NLRP4: variants seen among roughly 807,000 people sequenced by gnomAD.
NLRP4 encodes NACHT, LRR and PYD domains-containing protein 4.
A neutral mutation model predicts 84.7 loss-of-function variants in NLRP4; 44 were observed. The ratio of observed to expected loss-of-function variants is 0.52; its 90% CI spans 0.41 to 0.67. The LOEUF (loss-of-function observed/expected upper bound fraction) is 0.67. Among genes scored for constraint, NLRP4 ranks in the 30% least tolerant of loss-of-function variants. The pLI is 0.00. For synonymous variants in NLRP4, 544 were observed against 476.4 expected (o/e 1.14, Z -1.85); for missense variants, 1,260 against 1,219.4 (o/e 1.03, Z -0.50).
At chr19:55,870,183 A>G (rs1233765722) in intron 6 of NLRP4, among the ~76,000 whole-genome samples, 1 of 152,208 alleles carries the variant, frequency 6.6e-6, no homozygotes, top group Non-Finnish European at 1.5e-5. Flanking sequence ...GAGGTAATCA[A>G]TACACTTTAC....
At chr19:55,841,808 T>G (rs1193132048) in intron 1 of NLRP4, among the ~76,000 whole-genome samples, 1 of 146,172 alleles carries the variant, frequency 6.8e-6, no homozygotes, top group African/African-American at 2.8e-5. Context: ...GAGGTTGCAG[T>G]GAGCCGAGAT....
rs35115500 is a variant in NLRP4 at position 55,857,325 on chromosome 19, A to ATGTGTGTGTGTGTGTGTGTGTG, written c.281-337_281-316dup. On this transcript the variant is annotated intron_variant, in intron 2 of 9. Transcript: ENST00000301295. ...GTCAAACTTTACGTAGTAGCAATGA[A>ATGTGTGTGTGTGTGTGTGTGTG]TGTGTGTGTGTGTGTGTGTGTGTGT... is the stretch of plus-strand genomic sequence containing the variant. 6.2e-5 allele frequency: 17 copies of ATGTGTGTGTGTGTGTGTGTGTG among 272,746 alleles called. No homozygotes were observed. In the East Asian group the frequency reaches 7.0e-4, roughly 11 times the overall value. The allele number at this position is 272,746 out of a possible 1,614,324, so 16.9% of individuals were successfully genotyped here. A position where few individuals can be genotyped will look rare whatever the true frequency, so the allele number is the denominator to read the frequency against.
At chr19:55,854,827 G>A (rs1029783859) in intron 2 of NLRP4, among the ~76,000 whole-genome samples, 1 of 151,990 alleles carries the variant, frequency 6.6e-6, no homozygotes, top group Non-Finnish European at 1.5e-5. Flanking sequence ...GGTTCATGCG[G>A]TTCTCCTGCC....
At chr19:55,842,801 C>A (rs922721986) in intron 1 of NLRP4, among the ~76,000 whole-genome samples, 1 of 151,646 alleles carries the variant, frequency 6.6e-6, no homozygotes, top group Non-Finnish European at 1.5e-5. Context: ...GCTCTGTCAC[C>A]CAGGCTGGAG....
chr19:55,849,996 TGCGGTGTGATTTCCGAGAC>T (rs1983987632), intron 1 of NLRP4, among the ~76,000 whole-genome samples: 1 of 29,962 alleles, frequency 3.3e-5, no homozygotes, highest in African/African-American at 5.6e-5. Flanking sequence ...TTTCCGAGAC[TGCGGTGTGATTTCCGAGAC>T]TGCGGTGTGA....
At chr19:55,860,294 A>G in intron 3 of NLRP4, among the ~76,000 whole-genome samples, 1 of 152,182 alleles carries the variant, frequency 6.6e-6, no homozygotes, top group East Asian at 1.9e-4. Context: ...CAAATCATAT[A>G]CATTTTAACT....
intron 1 of NLRP4, among the ~76,000 whole-genome samples, chr19:55,851,136 T>C (rs558109287): frequency 1.6e-3 from 133 of 84,962 alleles, no homozygotes; most frequent in Non-Finnish European, 1.8e-3. Context: ...TGTCCGAGGC[T>C]GCGGTGTAAT....
intron 2 of NLRP4, among the ~76,000 whole-genome samples, chr19:55,852,985 C>T (rs148721267): frequency 2.3e-4 from 35 of 152,174 alleles, no homozygotes; most frequent in Non-Finnish European, 4.4e-4. Flanking sequence ...GACTTATTTG[C>T]AAGAGCAATT....
rs1404681291 is a variant in NLRP4, at chr19:55,881,830, A to C, written c.*243A>C. The C allele has an allele frequency of 3.2e-6, 1 of 309,938 alleles. No individual in the cohort carries two copies. The highest frequency in any genetic ancestry group is 5.9e-6 in the Non-Finnish European group (1 of 170,870). 19.2% of individuals were successfully genotyped at this position (309,938 alleles called of 1,614,324 possible). ...CAAGGACCTCTTAACCCCTCAATAA[A>C]GTGTTACATTTCTAAACATTGGAAA... On this transcript the variant is annotated 3_prime_UTR_variant, in exon 10 of 10. Coordinates refer to ENST00000301295, the MANE Select transcript of NLRP4 (RefSeq NM_134444.5).
intron 5 of NLRP4, among the ~76,000 whole-genome samples, chr19:55,864,851 T>C (rs1984893717): frequency 6.6e-6 from 1 of 152,224 alleles, no homozygotes; most frequent in Non-Finnish European, 1.5e-5. Flanking sequence ...TGAGCATCTT[T>C]TCCTGTGCTT....
intron 1 of NLRP4, among the ~76,000 whole-genome samples, chr19:55,845,276 GT>G (rs1314447092): frequency 6.8e-6 from 1 of 148,086 alleles, no homozygotes; most frequent in Admixed American, 6.9e-5. Flanking sequence ...AACATGCAGT[GT>G]TTGGTTTTTT....
intron 1 of NLRP4, among the ~76,000 whole-genome samples, chr19:55,847,919 C>T (rs544659686): frequency 6.6e-6 from 1 of 151,934 alleles, no homozygotes; most frequent in Admixed American, 6.6e-5. Context: ...GTTTCACCAT[C>T]TTGGTCAGGC....
In NLRP4 at chr19:55,850,851, GAGGCTGCGGTGTAATT is replaced by G. The variant is rs1392774020; in HGVS notation, c.-65-1164_-65-1149del. On this transcript the variant is annotated intron_variant, in intron 1 of 9. Coordinates refer to ENST00000301295, the MANE Select transcript of NLRP4 (RefSeq NM_134444.5). ...TGTCCGAGGCTGCGGTGTAATTTAC[GAGGCTGCGGTGTAATT>G]TACGAGGCTGCGGTGTAATGTCCGT... Among the ~76,000 whole-genome samples the G allele has an allele frequency of 3.6e-5, 3 of 84,156 alleles. 1 individual carries two copies. In the African/African-American group the frequency reaches 4.2e-4, roughly 12 times the overall value. The allele number at this position is 84,156 out of a possible 152,430, so 55.2% of individuals were successfully genotyped here.
intron 9 of NLRP4, 140 bp from the exon 10 acceptor site, chr19:55,881,330 T>A: frequency 3.6e-6 from 2 of 556,714 alleles, no homozygotes; most frequent in Non-Finnish European, 6.4e-6. Context: ...CCGCTGCATT[T>A]GATGTGTATG....
At chr19:55,847,429 T>G (rs1015461210) in intron 1 of NLRP4, among the ~76,000 whole-genome samples, 14 of 152,336 alleles carry the variant, frequency 9.2e-5, no homozygotes, top group African/African-American at 2.9e-4. Flanking sequence ...GAATGTTCTC[T>G]TGTGTGTAGG....
intron 2 of NLRP4, among the ~76,000 whole-genome samples, chr19:55,853,889 T>TTCTCTCTCTCTC (rs145906779): frequency 7.6e-6 from 1 of 132,184 alleles, no homozygotes. Flanking sequence ...TGCTATCTCT[T>TTCTCTCTCTCTC]TCTCTCTCTC....
chr19:55,863,902 T>C (rs902433383), intron 5 of NLRP4, among the ~76,000 whole-genome samples: 8 of 152,170 alleles, frequency 5.3e-5, no homozygotes, highest in South Asian at 2.1e-4. Flanking sequence ...CTTACCTTCA[T>C]TGGTACCCAC....
In NLRP4 at chr19:55,881,738, C is replaced by T. The variant is rs531736859; in HGVS notation, c.*151C>T. The T allele has an allele frequency of 7.5e-5, 38 of 508,144 alleles. No homozygotes were observed. In the Admixed American group the frequency reaches 1.1e-3, roughly 14 times the overall value. 31.5% of individuals were successfully genotyped at this position (508,144 alleles called of 1,614,324 possible). A position where few individuals can be genotyped will look rare whatever the true frequency, so the allele number is the denominator to read the frequency against. On this transcript the variant is annotated 3_prime_UTR_variant, in exon 10 of 10. Coordinates refer to ENST00000301295, the MANE Select transcript of NLRP4 (RefSeq NM_134444.5). ...CCATTCATAGATTTGATATGATACA[C>T]GTGGTTTTTATGTGCTCTGTGGCCT...
rs773983066 is a variant in NLRP4, at chr19:55,881,577, T to TCCCA, written c.2975_2976insCCCA (p.Glu993ProfsTer27). The TCCCA allele has an allele frequency of 1.1e-5, 17 of 1,547,710 alleles. No individual in the cohort carries two copies. Among genetic ancestry groups the TCCCA allele is most frequent in the Non-Finnish European group, 1.5e-5 (17 of 1,122,090 alleles). On this transcript the variant is annotated frameshift_variant, in exon 10 of 10. Coordinates refer to ENST00000301295, the MANE Select transcript of NLRP4 (RefSeq NM_134444.5). LOFTEE classifies it high-confidence loss of function. ...GACGACTGTGACACAATCACAAGGG[T>TCCCA]AGAGATCTGATTGCGAGGAACCTGG...
Sources: allele counts gnomAD v4.1 joint callset (sites outside exome capture counted in the v4.1 genomes callset), GRCh38; gene constraint gnomAD v4.1.1; transcripts MANE v1.5; gene names NCBI Gene and HGNC (gene_info 2026-07-23, HGNC 2026-07-21).